Variants in PLD1 observed in about 807,000 individuals in gnomAD.
PLD1 encodes the protein phospholipase D1.
A neutral mutation model predicts 137.1 loss-of-function variants in PLD1; 112 were observed. That is an observed-to-expected ratio of 0.82 (90% CI 0.70 to 0.96). The LOEUF is 0.96. PLD1 is among the 40% of genes least tolerant of loss of function. The probability of loss-of-function intolerance (pLI) is 0.00; values close to 1 mark genes in which losing one functional copy is unlikely to be tolerated. For synonymous variants in PLD1, 431 were observed against 454.7 expected, an observed-to-expected ratio of 0.95 and a Z score of 0.66; for missense variants, 1,321 against 1,342.0, an observed-to-expected ratio of 0.98 and a Z score of 0.24.
intron 21 of PLD1, among the ~76,000 whole-genome samples, chr3:171,658,907 T>C (rs547916850): frequency 6.6e-6 from 1 of 152,346 alleles, no homozygotes; most frequent in South Asian, 2.1e-4. Context: ...TATGTCTGTT[T>C]TGCTTTTTTA....
At chr3:171,643,862 GA>G (rs1159134954) in intron 22 of PLD1, among the ~76,000 whole-genome samples, 3 of 151,992 alleles carry the variant, frequency 2.0e-5, no homozygotes, top group Admixed American at 6.5e-5. Flanking sequence ...CACCCTGGAG[GA>G]AACAAACAAA....
intron 1 of PLD1, among the ~76,000 whole-genome samples, chr3:171,739,297 TAACTCA>T (rs1719603964): frequency 6.6e-6 from 1 of 152,200 alleles, no homozygotes; most frequent in African/African-American, 2.4e-5. Flanking sequence ...GCCCTTATTA[TAACTCA>T]ATGAGTCTCG....
At chr3:171,789,284 T>G (rs1723130087) in intron 1 of PLD1, 2 of 152,222 alleles carry the variant, frequency 1.3e-5, no homozygotes, top group Admixed American at 1.3e-4. Flanking sequence ...GAGATGGATG[T>G]ATGTACATTG....
chr3:171,724,408 G>C (rs1718354096), intron 8 of PLD1, among the ~76,000 whole-genome samples: 1 of 148,758 alleles, frequency 6.7e-6, no homozygotes, highest in African/African-American at 2.6e-5. Flanking sequence ...TAATAACGTT[G>C]AGCATCTTTT....
rs371701361 is a variant in PLD1 at position 171,706,085 on chromosome 3, G to A, written c.1145+2670C>T. On this transcript the variant is annotated intron_variant, in intron 11 of 26. Transcript: ENST00000351298. Reference sequence around the variant, plus strand: ...ACTTTTGGACCATAAGCTGCAGAAAGAAATACATTATACACCCAAACCAAC... The same window carrying A: ...ACTTTTGGACCATAAGCTGCAGAAAAAAATACATTATACACCCAAACCAAC... 8.5e-5 allele frequency among the ~76,000 whole-genome samples: 13 copies of A among 152,074 alleles called. 1 individual carries two copies. The highest frequency in any genetic ancestry group is 3.1e-4 in the African/African-American group (13 of 41,504).
intron 1 of PLD1, among the ~76,000 whole-genome samples, chr3:171,798,419 C>T (rs372142559): frequency 1.3e-5 from 2 of 152,178 alleles, no homozygotes; most frequent in African/African-American, 2.4e-5. Flanking sequence ...GGAAATCAGG[C>T]GTAAGGAAAC....
At chr3:171,653,080 A>G (rs1191237075) in intron 21 of PLD1, among the ~76,000 whole-genome samples, 1 of 152,128 alleles carries the variant, frequency 6.6e-6, no homozygotes, top group Non-Finnish European at 1.5e-5. Flanking sequence ...CTCCTATCCA[A>G]CCATAGCTGT....
chr3:171,776,258 C>T (rs1285287659), intron 1 of PLD1, among the ~76,000 whole-genome samples: 3 of 152,156 alleles, frequency 2.0e-5, no homozygotes, highest in Admixed American at 6.5e-5. Flanking sequence ...TAGTCATGGG[C>T]ACAGAAGAGT....
chr3:171,709,542 A>T lies in PLD1; in HGVS notation c.1061+18T>A, dbSNP rs779277089. ...ATGCTATGACTGCCTTGACAGGCTT[A>T]GAGAAATAATAACTTACCATTTAGC... On this transcript the variant is annotated intron_variant, in intron 10 of 26. Coordinates refer to ENST00000351298, the MANE Select transcript of PLD1 (RefSeq NM_002662.5). 3 of 1,611,018 alleles carry T rather than the reference A, an allele frequency of 1.9e-6. No individual in the cohort carries two copies. Among genetic ancestry groups the T allele is most frequent in the Non-Finnish European group, 2.5e-6 (3 of 1,177,562 alleles).
At chr3:171,725,064 G>C (rs996012930) in intron 7 of PLD1, among the ~76,000 whole-genome samples, 1 of 152,108 alleles carries the variant, frequency 6.6e-6, no homozygotes, top group Admixed American at 6.5e-5. Context: ...CTGTCTCCTG[G>C]CTCTAAATGT....
intron 19 of PLD1, chr3:171,666,315 G>A (rs925177540): frequency 7.9e-5 from 12 of 152,458 alleles, no homozygotes; most frequent in African/African-American, 2.9e-4. Flanking sequence ...GAAGAGAAAA[G>A]GGACATCTTA....
At chr3:171,628,996 T>TG (rs1454544079) in intron 23 of PLD1, among the ~76,000 whole-genome samples, 4 of 147,294 alleles carry the variant, frequency 2.7e-5, no homozygotes, top group African/African-American at 1.0e-4. Flanking sequence ...AACATAGTGT[T>TG]GGAAGTTCTG....
chr3:171,794,719 G>C (rs1219811449), intron 1 of PLD1, among the ~76,000 whole-genome samples: 2 of 151,694 alleles, frequency 1.3e-5, no homozygotes, highest in Admixed American at 6.6e-5. Context: ...TCATAAAGAA[G>C]ATGTTCCCTG....
chr3:171,612,236 T>C lies in PLD1; in HGVS notation c.2882+43A>G. On this transcript the variant is annotated intron_variant, in intron 25 of 26. Coordinates refer to ENST00000351298, the MANE Select transcript of PLD1 (RefSeq NM_002662.5). This position sits in a 1 kb window ranked among gnomAD's most constrained non-coding sequence, Gnocchi z 4.1. ...AGCGGGGCTGGGTCCCAGCGACTGC[T>C]GCAGTGGAAATGCATCAGAGAGACA... The C allele has an allele frequency of 6.3e-7, 1 of 1,597,670 alleles. No homozygotes were observed. Among genetic ancestry groups the C allele is most frequent in the Non-Finnish European group, 8.6e-7 (1 of 1,167,246 alleles).
chr3:171,655,159 A>G (rs1018533753), intron 21 of PLD1, among the ~76,000 whole-genome samples: 1 of 152,142 alleles, frequency 6.6e-6, no homozygotes, highest in Admixed American at 6.5e-5. Context: ...GCTGCATTCT[A>G]TTCTTTTTCA....
At chr3:171,648,744 C>T (rs1463559360) in intron 21 of PLD1, among the ~76,000 whole-genome samples, 3 of 151,976 alleles carry the variant, frequency 2.0e-5, no homozygotes, top group Non-Finnish European at 4.4e-5. Context: ...TTAGCAGAGA[C>T]GGGGTTTCAC....
chr3:171,737,661 T>TAAA lies in PLD1; in HGVS notation c.161-5_161-3dup. 1.6e-6 allele frequency: 2 copies of TAAA among 1,272,396 alleles called. No individual in the cohort carries two copies. Among genetic ancestry groups the TAAA allele is most frequent in the Non-Finnish European group, 1.1e-6 (1 of 933,824 alleles). The allele number at this position is 1,272,396 out of a possible 1,614,324, so 78.8% of individuals were successfully genotyped here. On this transcript the variant is annotated splice_polypyrimidine_tract_variant and splice_region_variant and intron_variant, in intron 2 of 26. Coordinates refer to ENST00000351298, the MANE Select transcript of PLD1 (RefSeq NM_002662.5). ...AAATAGCAGAGAAAGGGATATACAC[T>TAAA]AAAAAAAAAAGTAAATAAAGTTAAT...
chr3:171,792,935 A>G (rs1197209959), intron 1 of PLD1: 2 of 320,324 alleles, frequency 6.2e-6, no homozygotes, highest in East Asian at 1.8e-4. Flanking sequence ...TCCCCAAGGA[A>G]GTGGGGCTCT....
intron 1 of PLD1, among the ~76,000 whole-genome samples, chr3:171,805,863 T>C (rs562895675): frequency 5.7e-4 from 87 of 152,276 alleles, no homozygotes; most frequent in Admixed American, 1.6e-3. Flanking sequence ...TCACTATGCC[T>C]CAAACTGCCT....
Sources: gnomAD v4.1 joint callset for allele counts (sites outside exome capture counted in the v4.1 genomes callset) on GRCh38, gnomAD v4.1.1 for gene constraint, Gnocchi (gnomAD v3.1) non-coding constraint, MANE v1.5 for transcripts, NCBI Gene and HGNC (gene_info 2026-07-23, HGNC 2026-07-21) for gene names.